Variants in SORCS1 observed in about 807,000 individuals in gnomAD.
SORCS1 encodes VPS10 domain-containing receptor SorCS1.
SORCS1 carries 60 observed loss-of-function variants against 146.1 expected under a neutral mutation model. That is an observed-to-expected ratio of 0.41 (90% CI 0.33 to 0.51). The LOEUF is 0.51. Among genes scored for constraint, SORCS1 ranks in the 20% least tolerant of loss-of-function variants. SORCS1 has a pLI of 0.21. For missense variants in SORCS1, 1,352 were observed against 1,487.6 expected, an observed-to-expected ratio of 0.91 and a Z score of 1.50; for synonymous variants, 637 against 584.0, an observed-to-expected ratio of 1.09 and a Z score of -1.31.
At chr10:107,176,246 T>C in the SORCS1 span, among the ~76,000 whole-genome samples, 1 of 151,042 alleles carries the variant, frequency 6.6e-6, no homozygotes, top group Admixed American at 6.6e-5. Context: ...CCTGTTTTCC[T>C]TCCTTCCTTC....
At chr10:106,657,077 C>A (rs1480863102) in intron 17 of SORCS1, among the ~76,000 whole-genome samples, 1 of 152,120 alleles carries the variant, frequency 6.6e-6, no homozygotes, top group African/African-American at 2.4e-5. Flanking sequence ...TTAGATCTAC[C>A]ATTCAATCCC....
chr10:106,902,403 A>G (rs1304079921), intron 2 of SORCS1, among the ~76,000 whole-genome samples: 4 of 152,192 alleles, frequency 2.6e-5, no homozygotes. Context: ...AGAAATCACC[A>G]CATGCCCATT....
intron 1 of SORCS1, among the ~76,000 whole-genome samples, chr10:107,107,469 G>C (rs575030202): frequency 6.6e-6 from 1 of 152,170 alleles, no homozygotes; most frequent in Non-Finnish European, 1.5e-5. Flanking sequence ...CAAGGCAATC[G>C]GATACTAGGC....
chr10:107,066,597 T>C (rs1045395152), intron 1 of SORCS1, among the ~76,000 whole-genome samples: 1 of 152,186 alleles, frequency 6.6e-6, no homozygotes, highest in Admixed American at 6.5e-5. Context: ...ATCAAGTCAT[T>C]GAGTTAATTA....
intron 2 of SORCS1, among the ~76,000 whole-genome samples, chr10:106,852,948 T>C (rs762902427): frequency 2.6e-5 from 4 of 152,168 alleles, no homozygotes; most frequent in Non-Finnish European, 5.9e-5. Context: ...CCTAATGTCA[T>C]TGGGTGGTTT....
intron 22 of SORCS1, among the ~76,000 whole-genome samples, chr10:106,610,077 C>T (rs1243461960): frequency 6.6e-6 from 1 of 152,116 alleles, no homozygotes; most frequent in Non-Finnish European, 1.5e-5. Flanking sequence ...GTCTGGTAGT[C>T]GTGCCTCCTG....
At chr10:107,048,104 T>C (rs1959689092) in intron 1 of SORCS1, among the ~76,000 whole-genome samples, 1 of 152,156 alleles carries the variant, frequency 6.6e-6, no homozygotes, top group Non-Finnish European at 1.5e-5. Context: ...AAAAAGACTT[T>C]ACTCTCTGGC....
the SORCS1 span, among the ~76,000 whole-genome samples, chr10:107,171,836 A>G: frequency 4.4e-4 from 67 of 152,294 alleles, no homozygotes; most frequent in South Asian, 1.0e-3. Context: ...AACATATGCA[A>G]TTTATCTTTT....
At chr10:106,773,844 G>A (rs1221469703) in intron 4 of SORCS1, among the ~76,000 whole-genome samples, 2 of 152,098 alleles carry the variant, frequency 1.3e-5, no homozygotes, top group African/African-American at 4.8e-5. Flanking sequence ...AGCTACTTGG[G>A]AGGCTGAGGC....
chr10:107,051,259 T>G (rs996308969), intron 1 of SORCS1, among the ~76,000 whole-genome samples: 2 of 151,936 alleles, frequency 1.3e-5, no homozygotes, highest in South Asian at 4.1e-4. Flanking sequence ...GGATAGAGAG[T>G]GCCTAAAGTT....
intron 2 of SORCS1, among the ~76,000 whole-genome samples, chr10:106,856,332 G>A (rs1294812351): frequency 1.3e-5 from 2 of 152,124 alleles, no homozygotes; most frequent in Non-Finnish European, 2.9e-5. Context: ...GCCCAGCCAG[G>A]CAAAACATTC....
intron 6 of SORCS1, among the ~76,000 whole-genome samples, chr10:106,729,431 TTCTC>T (rs200986160): frequency 6.2e-5 from 9 of 144,158 alleles, no homozygotes; most frequent in Admixed American, 1.4e-4. Flanking sequence ...CACAGAAAAA[TTCTC>T]TCTCTCTCTT....
chr10:106,678,139 G>A (rs1052720289), intron 12 of SORCS1, among the ~76,000 whole-genome samples: 2 of 152,128 alleles, frequency 1.3e-5, no homozygotes, highest in African/African-American at 4.8e-5. Flanking sequence ...GCCTTGCCTG[G>A]AGTTACATTA....
chr10:107,168,395 A>G (rs146754933), upstream of SORCS1, among the ~76,000 whole-genome samples: 2 of 152,262 alleles, frequency 1.3e-5, no homozygotes, highest in East Asian at 3.9e-4. Flanking sequence ...TTTTACTTAA[A>G]CCTGTTTTTT....
At chr10:107,007,044 G>A (rs1013728745) in intron 1 of SORCS1, among the ~76,000 whole-genome samples, 2 of 152,168 alleles carry the variant, frequency 1.3e-5, no homozygotes, top group Non-Finnish European at 2.9e-5. Flanking sequence ...CCTACGCTTA[G>A]CATCTAGTTT....
chr10:106,910,753 C>T (rs1349849589), intron 2 of SORCS1, among the ~76,000 whole-genome samples: 5 of 152,140 alleles, frequency 3.3e-5, no homozygotes, highest in African/African-American at 1.2e-4. Flanking sequence ...GTGCTGCCAG[C>T]AGGATTCTAC....
At chr10:107,083,680 A>G (rs748169860) in intron 1 of SORCS1, among the ~76,000 whole-genome samples, 1 of 152,228 alleles carries the variant, frequency 6.6e-6, no homozygotes, top group Non-Finnish European at 1.5e-5. Flanking sequence ...CTAGCCTTAC[A>G]GGTGAGCAGT....
At chr10:106,611,476 C>T (rs374694298) in intron 22 of SORCS1, among the ~76,000 whole-genome samples, 22 of 152,240 alleles carry the variant, frequency 1.4e-4, no homozygotes, top group South Asian at 1.2e-3. Flanking sequence ...CTCACAGTTG[C>T]GGAAGTTGGA....
At chr10:106,657,823 C>A (rs1390195954) in intron 17 of SORCS1, among the ~76,000 whole-genome samples, 1 of 151,700 alleles carries the variant, frequency 6.6e-6, no homozygotes, top group East Asian at 1.9e-4. Flanking sequence ...TCTCTCAAAT[C>A]TTTGATTCTT....
Sources: gnomAD v4.1 joint callset for allele counts (sites outside exome capture counted in the v4.1 genomes callset) on GRCh38, gnomAD v4.1.1 for gene constraint, MANE v1.5 for transcripts, NCBI Gene and HGNC (gene_info 2026-07-23, HGNC 2026-07-21) for gene names.